Variants in TCF12 observed in about 807,000 individuals in gnomAD.
TCF12 encodes the protein DNA-binding protein HTF4.
A neutral mutation model predicts 86.0 loss-of-function variants in TCF12; 45 were observed. The ratio of observed to expected loss-of-function variants is 0.52; its 90% CI spans 0.41 to 0.67. The LOEUF (loss-of-function observed/expected upper bound fraction) is 0.67, where lower values mean the gene tolerates loss of function less well. Ranked by LOEUF, TCF12 falls within the 30% of genes least tolerant of loss-of-function variation. The probability of loss-of-function intolerance (pLI) is 0.00; values close to 1 mark genes in which losing one functional copy is unlikely to be tolerated. For missense variants in TCF12, 881 were observed against 859.9 expected (o/e 1.02, Z -0.31); for synonymous variants, 330 against 299.6 (o/e 1.10, Z -1.05).
At chr15:57,078,475 TCTTCTTGTGA>T (rs2070336137) in intron 4 of TCF12, among the ~76,000 whole-genome samples, 1 of 152,198 alleles carries the variant, frequency 6.6e-6, no homozygotes, top group African/African-American at 2.4e-5. Context: ...AATGTCTCTC[TCTTCTTGTGA>T]CTTCTTGTGA....
intron 8 of TCF12, 83 bp downstream of exon 8, chr15:57,197,908 G>A (rs535875690): frequency 1.7e-5 from 23 of 1,382,600 alleles, no homozygotes; most frequent in Non-Finnish European, 1.9e-5. Flanking sequence ...GGGTACATTC[G>A]ATTGATGCGA....
intron 3 of TCF12, among the ~76,000 whole-genome samples, chr15:56,972,763 A>C (rs1595912837): frequency 6.6e-6 from 1 of 152,314 alleles, no homozygotes; most frequent in Admixed American, 6.5e-5. Context: ...TACTTAAAAA[A>C]ATCACAGAGA....
At chr15:56,998,598 A>G (rs758404890) in intron 3 of TCF12, among the ~76,000 whole-genome samples, 4 of 152,138 alleles carry the variant, frequency 2.6e-5, no homozygotes, top group African/African-American at 7.2e-5. Flanking sequence ...ATAATTGAAG[A>G]CTTCAAAATT....
Position 56,991,229 on chromosome 15 carries a change from G to A in TCF12, c.148+70131G>A, listed in dbSNP as rs145115395. 1.3e-3 allele frequency among the ~76,000 whole-genome samples: 195 copies of A among 152,216 alleles called. 1 individual carries two copies. Among genetic ancestry groups the A allele is most frequent in the African/African-American group, 4.4e-3 (183 of 41,550 alleles). On this transcript the variant is annotated intron_variant, in intron 3 of 20. Coordinates refer to ENST00000333725, the MANE Select transcript of TCF12 (RefSeq NM_207037.2). ...CATATTCAGTTGATTTTCACTAACC[G>A]TGAAGGATTTGCACTGATTTATGCA...
At chr15:57,109,124 TTTTGCTTCAGTGTGTCA>T (rs2050322495) in intron 5 of TCF12, 1 of 152,214 alleles carries the variant, frequency 6.6e-6, no homozygotes, top group Non-Finnish European at 1.5e-5. Context: ...AAATTTCCCT[TTTTGCTTCAGTGTGTCA>T]GTTAATCTGG....
intron 20 of TCF12, among the ~76,000 whole-genome samples, chr15:57,285,502 A>G (rs1461135838): frequency 1.3e-5 from 2 of 152,224 alleles, no homozygotes; most frequent in Admixed American, 6.5e-5. Flanking sequence ...ACTGGGACCA[A>G]TATGAAAATG....
chr15:56,953,514 A>G (rs924735396), intron 3 of TCF12, among the ~76,000 whole-genome samples: 12 of 152,000 alleles, frequency 7.9e-5, no homozygotes, highest in Middle Eastern at 3.2e-3. Context: ...TAAATCTACA[A>G]CTGTTTGGTA....
chr15:57,138,417 T>G (rs2052711866), intron 5 of TCF12, among the ~76,000 whole-genome samples: 1 of 152,216 alleles, frequency 6.6e-6, no homozygotes. Context: ...ATTCCTGGCT[T>G]AAAACCTTCA....
intron 3 of TCF12, among the ~76,000 whole-genome samples, chr15:56,964,412 C>A (rs1025104842): frequency 6.6e-6 from 1 of 152,128 alleles, no homozygotes; most frequent in East Asian, 1.9e-4. Context: ...CACCAACTTT[C>A]TCTCTCTCTT....
At chr15:56,980,317 A>G (rs1484176233) in intron 3 of TCF12, among the ~76,000 whole-genome samples, 1 of 152,192 alleles carries the variant, frequency 6.6e-6, no homozygotes, top group Non-Finnish European at 1.5e-5. Flanking sequence ...TGGGACCTTA[A>G]AGATGTTATT....
At chr15:57,221,383 GGTGTGTGTGT>G (rs144351636) in intron 8 of TCF12, among the ~76,000 whole-genome samples, 4 of 148,638 alleles carry the variant, frequency 2.7e-5, no homozygotes, top group East Asian at 3.9e-4. Flanking sequence ...ATGTGTGTGG[GGTGTGTGTGT>G]GTGTGTGTGT....
At chr15:57,001,942 C>T (rs932737338) in intron 3 of TCF12, among the ~76,000 whole-genome samples, 4 of 152,178 alleles carry the variant, frequency 2.6e-5, no homozygotes, top group African/African-American at 9.7e-5. Context: ...CCTTACATAA[C>T]TGTCCGGATT....
At chr15:57,266,085 TATTATTTATTTATTTATTTATTTA>T (rs1281005998) in intron 18 of TCF12, among the ~76,000 whole-genome samples, 1 of 145,746 alleles carries the variant, frequency 6.9e-6, no homozygotes, top group African/African-American at 2.5e-5. Flanking sequence ...TTTTTGTTTT[TATTATTTATTTATTTATTTATTTA>T]TTTATTTATT....
At position 57,075,797 on chromosome 15, in the gene TCF12, T is replaced by G. The variant is rs1221536132; in HGVS notation, c.222+11974T>G. On this transcript the variant is annotated intron_variant, in intron 4 of 20. Transcript: ENST00000333725. Reference sequence around the variant, plus strand: ...TTCTTTCTTTCTTTCTTTCTTTCTTTCTTTCTTTCTCTCTCTCTCTCTCTC... The same window carrying G: ...TTCTTTCTTTCTTTCTTTCTTTCTTGCTTTCTTTCTCTCTCTCTCTCTCTC... Among the ~76,000 whole-genome samples the G allele has an allele frequency of 8.2e-5, 5 of 60,628 alleles. No individual in the cohort carries two copies. In the East Asian group the frequency reaches 2.3e-3, roughly 28 times the overall value. The allele number at this position is 60,628 out of a possible 152,430, so 39.8% of individuals were successfully genotyped here.
intron 18 of TCF12, among the ~76,000 whole-genome samples, chr15:57,264,148 A>G (rs2060721642): frequency 1.4e-5 from 2 of 144,898 alleles, no homozygotes; most frequent in East Asian, 2.0e-4. Flanking sequence ...ACACAAACAC[A>G]TTATATAGCT....
At chr15:56,930,178 G>T (rs1450194649) in intron 3 of TCF12, among the ~76,000 whole-genome samples, 1 of 152,210 alleles carries the variant, frequency 6.6e-6, no homozygotes, top group African/African-American at 2.4e-5. Context: ...GGCATGGAAG[G>T]TATCTCTGCT....
At position 57,232,742 on chromosome 15, in the gene TCF12, G is replaced by T; in HGVS notation, c.856G>T (p.Asp286Tyr). The change falls in exon 11 of 21, where the codon GAC becomes TAC. Residue 286 changes from aspartate to tyrosine, a missense_variant. Coordinates refer to ENST00000333725, the MANE Select transcript of TCF12 (RefSeq NM_207037.2). ...SYPPHSVSPT[D>Y]INTSLPPMSS... ...TCCTCCACACTCAGTTTCACCAACA[G>T]ACATAAACACGAGTCTTCCACCAAT... The T allele has an allele frequency of 1.9e-6, 3 of 1,611,912 alleles. No individual in the cohort carries two copies. The highest frequency in any genetic ancestry group is 2.5e-6 in the Non-Finnish European group (3 of 1,179,064).
At chr15:56,946,580 C>T (rs1157145150) in intron 3 of TCF12, among the ~76,000 whole-genome samples, 1 of 152,016 alleles carries the variant, frequency 6.6e-6, no homozygotes, top group Non-Finnish European at 1.5e-5. Context: ...GATTTTTCTT[C>T]TGGTTATGGG....
At chr15:57,179,904 G>C (rs1251466165) in intron 6 of TCF12, among the ~76,000 whole-genome samples, 5 of 152,090 alleles carry the variant, frequency 3.3e-5, no homozygotes, top group Non-Finnish European at 7.3e-5. Context: ...CAAAACACTA[G>C]AGAGGATCAT....
Sources: allele counts gnomAD v4.1 joint callset (sites outside exome capture counted in the v4.1 genomes callset), GRCh38; gene constraint gnomAD v4.1.1; transcripts MANE v1.5; gene names NCBI Gene and HGNC (gene_info 2026-07-23, HGNC 2026-07-21).